IFT46: variants seen among roughly 807,000 people sequenced by gnomAD.
IFT46 encodes intraflagellar transport protein 46 homolog.
A neutral mutation model predicts 39.6 loss-of-function variants in IFT46; 19 were observed. The ratio of observed to expected loss-of-function variants is 0.48; its 90% CI spans 0.33 to 0.70. The LOEUF (loss-of-function observed/expected upper bound fraction) is 0.70, where lower values mean the gene tolerates loss of function less well. Among genes scored for constraint, IFT46 ranks in the 30% least tolerant of loss-of-function variants. IFT46 has a pLI of 0.01. For synonymous variants in IFT46, 117 were observed against 134.8 expected, an observed-to-expected ratio of 0.87 and a Z score of 0.91; for missense variants, 334 against 364.8, an observed-to-expected ratio of 0.92 and a Z score of 0.69.
upstream of IFT46, among the ~76,000 whole-genome samples, chr11:118,568,607 AGTT>A (rs1938276809): frequency 6.6e-6 from 1 of 152,014 alleles, no homozygotes; most frequent in Non-Finnish European, 1.5e-5. Context: ...AAATGTGTAC[AGTT>A]GTTATCTTTT....
chr11:118,557,395 G>C (rs1202056349), intron 3 of IFT46: 5 of 391,382 alleles, frequency 1.3e-5, no homozygotes, highest in Non-Finnish European at 2.3e-5. Flanking sequence ...GGCAACTCTA[G>C]TTATTTTGGA....
At position 118,564,227 on chromosome 11, in the gene IFT46, T is replaced by G. The variant is rs1555071043; in HGVS notation, c.-36+738A>C. Among the ~76,000 whole-genome samples, 4 of 148,460 alleles carry G rather than the reference T, an allele frequency of 2.7e-5. No homozygotes were observed. The South Asian group carries it at 6.4e-4, about 24-fold the overall frequency. Reference sequence around the variant, plus strand: ...AAAAAAAAAAAAAAGTGGGTCTCCTTCCTCACTGTTATTCTCCTTAACAGC... The same window carrying G: ...AAAAAAAAAAAAAAGTGGGTCTCCTGCCTCACTGTTATTCTCCTTAACAGC... On this transcript the variant is annotated intron_variant, in intron 2 of 11. Coordinates refer to ENST00000264021, the MANE Select transcript of IFT46 (RefSeq NM_001168618.2).
chr11:118,576,451 C>G (rs868978226), upstream of IFT46, among the ~76,000 whole-genome samples: 1 of 80,030 alleles, frequency 1.2e-5, no homozygotes, highest in Non-Finnish European at 2.6e-5. Flanking sequence ...AAAAAAAAAC[C>G]AAAAACTTTG....
At chr11:118,561,093 A>G in intron 2 of IFT46, 1 of 1,524,912 alleles carries the variant, frequency 6.6e-7, no homozygotes, top group Non-Finnish European at 9.0e-7. Flanking sequence ...GAAAGCATTG[A>G]TGGTCAGCCA....
chr11:118,572,006 C>T (rs1234877979), intron 1 of IFT46, among the ~76,000 whole-genome samples: 6 of 150,676 alleles, frequency 4.0e-5, no homozygotes, highest in African/African-American at 1.5e-4. Flanking sequence ...AGAAGAATCG[C>T]TTGAACCTGG....
At chr11:118,546,009 T>C in intron 9 of IFT46, 156 bp from the exon 10 acceptor site, 1 of 718,338 alleles carries the variant, frequency 1.4e-6, no homozygotes. Context: ...CCTAACTCCC[T>C]GTACTTCAGA....
In IFT46 at chr11:118,552,251, G is replaced by A; in HGVS notation, c.568C>T (p.His190Tyr). The A allele has an allele frequency of 1.2e-6, 2 of 1,614,186 alleles. No homozygotes were observed. The highest frequency in any genetic ancestry group is 3.3e-5 in the Admixed American group (2 of 60,024). ...DTWIESISEL[H>Y]RSKPPATVHY... is the part of the protein sequence containing the mutation. ...ACAGTCGCAGGGGGCTTAGAACGGTGTAATTCAGAGATGCTCTCAATCCAC... is the reference window on the plus strand; with the variant it reads ...ACAGTCGCAGGGGGCTTAGAACGGTATAATTCAGAGATGCTCTCAATCCAC... The change falls in exon 8 of 12, where the codon CAC becomes TAC. Residue 190 changes from histidine to tyrosine, a missense_variant. Coordinates refer to ENST00000264021, the MANE Select transcript of IFT46 (RefSeq NM_001168618.2).
chr11:118,545,390 C>T lies in IFT46; in HGVS notation c.819+19G>A, dbSNP rs1555066820. ...TGATCCTCTCTACAGCTTAAGTCAA[C>T]CCCTGATGCTTGGCTCACCTGTGAG... On this transcript the variant is annotated intron_variant, in intron 11 of 11. Transcript: ENST00000264021. The T allele has an allele frequency of 5.1e-6, 8 of 1,561,568 alleles. No homozygotes were observed. The Admixed American group carries it at 6.7e-5, about 13-fold the overall frequency.
At position 118,545,866 on chromosome 11, in the gene IFT46, T is replaced by C. The variant is rs964704203; in HGVS notation, c.673-13A>G. 2.5e-6 allele frequency: 4 copies of C among 1,613,746 alleles called. No homozygotes were observed. Among genetic ancestry groups the C allele is most frequent in the Non-Finnish European group, 2.5e-6 (3 of 1,179,666 alleles). ...TGGGCAGGCTTACCTGGAAGGGGCATGGAAGGACCAAAGTCAAAAGGATGG... is the reference window on the plus strand; with the variant it reads ...TGGGCAGGCTTACCTGGAAGGGGCACGGAAGGACCAAAGTCAAAAGGATGG... On this transcript the variant is annotated splice_polypyrimidine_tract_variant and intron_variant, in intron 9 of 11. Coordinates refer to ENST00000264021, the MANE Select transcript of IFT46 (RefSeq NM_001168618.2).
chr11:118,576,664 C>A (rs970859647), upstream of IFT46, among the ~76,000 whole-genome samples: 1 of 152,074 alleles, frequency 6.6e-6, no homozygotes, highest in South Asian at 2.1e-4. Flanking sequence ...TTAGAGGTGA[C>A]CATACCTTCT....
At chr11:118,566,321 T>C (rs1555071502), upstream of IFT46, among the ~76,000 whole-genome samples, 1 of 152,178 alleles carries the variant, frequency 6.6e-6, no homozygotes, top group African/African-American at 2.4e-5. Context: ...TACACTATAG[T>C]CTTTCCCCTC....
rs1230261631 is a variant in IFT46 at position 118,544,599 on chromosome 11, C to G, written c.*317G>C. The G allele has an allele frequency of 3.5e-6, 1 of 289,056 alleles. No individual in the cohort carries two copies. The highest frequency in any genetic ancestry group is 7.6e-5 in the South Asian group (1 of 13,158). The allele number at this position is 289,056 out of a possible 1,614,324, so 17.9% of individuals were successfully genotyped here. A position where few individuals can be genotyped will look rare whatever the true frequency, so the allele number is the denominator to read the frequency against. ...TACGAATGAAAGAAAACAATTCCAT[C>G]CCTCTCACAAAAAGGACATCTTTTA... On this transcript the variant is annotated 3_prime_UTR_variant, in exon 12 of 12. Transcript: ENST00000264021.
intron 2 of IFT46, among the ~76,000 whole-genome samples, chr11:118,564,240 T>G (rs1319029891): frequency 6.6e-6 from 1 of 150,832 alleles, no homozygotes; most frequent in Non-Finnish European, 1.5e-5. Context: ...TCACTGTTAT[T>G]CTCCTTAACA....
At chr11:118,564,503 G>A (rs1235947873) in intron 2 of IFT46, among the ~76,000 whole-genome samples, 2 of 152,016 alleles carry the variant, frequency 1.3e-5, no homozygotes, top group African/African-American at 4.8e-5. Context: ...TTGAGGCTAG[G>A]AGTTCAAGAT....
intron 7 of IFT46, 131 bp from the exon 8 acceptor site, chr11:118,552,466 G>T: frequency 9.4e-7 from 1 of 1,067,578 alleles, no homozygotes; most frequent in Non-Finnish European, 1.4e-6. Flanking sequence ...TGAAACAGTA[G>T]CCAAATGAAG....
chr11:118,545,184 T>A (rs1407598942), intron 11 of IFT46, among the ~76,000 whole-genome samples, 173 bp from the exon 12 acceptor site: 1 of 152,048 alleles, frequency 6.6e-6, no homozygotes, highest in Admixed American at 6.6e-5. Flanking sequence ...CCTGATTTCA[T>A]CTAAGGCCCA....
At chr11:118,575,317 G>C (rs1191874955), upstream of IFT46, among the ~76,000 whole-genome samples, 1 of 152,036 alleles carries the variant, frequency 6.6e-6, no homozygotes, top group Non-Finnish European at 1.5e-5. Flanking sequence ...TGTTTTGAGG[G>C]ACAGCAAAGA....
At chr11:118,576,160 GT>G (rs200268771), upstream of IFT46, among the ~76,000 whole-genome samples, 1 of 151,830 alleles carries the variant, frequency 6.6e-6, no homozygotes, top group Non-Finnish European at 1.5e-5. Context: ...AATTCTCCAG[GT>G]TTTTTTACTT....
chr11:118,574,346 A>C (rs1938431949), upstream of IFT46, among the ~76,000 whole-genome samples: 1 of 152,190 alleles, frequency 6.6e-6, no homozygotes, highest in African/African-American at 2.4e-5. Context: ...ATGTCCAGAT[A>C]GGGTGAAATT....
Sources: allele counts gnomAD v4.1 joint callset (sites outside exome capture counted in the v4.1 genomes callset), GRCh38; gene constraint gnomAD v4.1.1; transcripts MANE v1.5; gene names NCBI Gene and HGNC (gene_info 2026-07-23, HGNC 2026-07-21).